The following PDE3B variants were observed in gnomAD, a reference collection of about 807,000 sequenced individuals.
PDE3B encodes cGMP-inhibited 3',5'-cyclic phosphodiesterase 3B.
A neutral mutation model predicts 116.8 loss-of-function variants in PDE3B; 66 were observed. That is an observed-to-expected ratio of 0.56 (90% CI 0.46 to 0.69). PDE3B has a LOEUF of 0.69. PDE3B is among the 30% of genes least tolerant of loss of function. The pLI is 0.00. For synonymous variants in PDE3B, 595 were observed against 533.6 expected, an observed-to-expected ratio of 1.12 and a Z score of -1.59; for missense variants, 1,384 against 1,368.1, an observed-to-expected ratio of 1.01 and a Z score of -0.18.
chr11:14,675,984 A>G (rs961102686), intron 1 of PDE3B, among the ~76,000 whole-genome samples: 1 of 152,146 alleles, frequency 6.6e-6, no homozygotes, highest in Non-Finnish European at 1.5e-5. Flanking sequence ...TGGTTGTACC[A>G]TTTACACTCC....
the PDE3B span, among the ~76,000 whole-genome samples, chr11:14,888,447 A>T: frequency 1.3e-5 from 2 of 152,250 alleles, no homozygotes. Flanking sequence ...GATGAAAACC[A>T]TTAAGTGACT....
At chr11:14,757,375 C>T (rs1316672691) in intron 1 of PDE3B, among the ~76,000 whole-genome samples, 1 of 149,958 alleles carries the variant, frequency 6.7e-6, no homozygotes, top group African/African-American at 2.5e-5. Flanking sequence ...GAGGAATCGC[C>T]ACACTGACTT....
chr11:14,726,434 G>T (rs1714130667), intron 1 of PDE3B, among the ~76,000 whole-genome samples: 1 of 152,082 alleles, frequency 6.6e-6, no homozygotes, highest in South Asian at 2.1e-4. Context: ...GAATATATAA[G>T]TCTGGAGCTC....
chr11:14,857,288 A>G (rs1189619939), intron 12 of PDE3B, among the ~76,000 whole-genome samples: 1 of 152,212 alleles, frequency 6.6e-6, no homozygotes, highest in Non-Finnish European at 1.5e-5. Flanking sequence ...TCTGCTTCTA[A>G]GAGCCCGCAG....
At chr11:14,716,213 A>G (rs1280892001) in intron 1 of PDE3B, among the ~76,000 whole-genome samples, 1 of 152,306 alleles carries the variant, frequency 6.6e-6, no homozygotes, top group South Asian at 2.1e-4. Context: ...TTTTCAGACC[A>G]GCTTAAAAAA....
At position 14,830,687 on chromosome 11, in the gene PDE3B, T is replaced by A; in HGVS notation, c.1808-11T>A. 3 of 1,366,542 alleles carry A rather than the reference T, an allele frequency of 2.2e-6. No homozygotes were observed. Among genetic ancestry groups the A allele is most frequent in the Non-Finnish European group, 3.0e-6 (3 of 1,016,058 alleles). The allele number at this position is 1,366,542 out of a possible 1,614,324, so 84.7% of individuals were successfully genotyped here. A position where few individuals can be genotyped will look rare whatever the true frequency, so the allele number is the denominator to read the frequency against. ...TTACTCCTATATATTACTATATATA[T>A]TTTTTGAAAGGTGAAGAAGAAAACA... On this transcript the variant is annotated splice_polypyrimidine_tract_variant and intron_variant, in intron 7 of 15. Coordinates refer to ENST00000282096, the MANE Select transcript of PDE3B (RefSeq NM_000922.4).
intron 14 of PDE3B, among the ~76,000 whole-genome samples, chr11:14,866,694 T>C (rs1848054209): frequency 6.6e-6 from 1 of 152,186 alleles, no homozygotes; most frequent in Non-Finnish European, 1.5e-5. Context: ...AATTTGTACA[T>C]TGTGGGGAGT....
chr11:14,841,516 A>G (rs886770640), intron 11 of PDE3B, among the ~76,000 whole-genome samples: 9 of 150,048 alleles, frequency 6.0e-5, no homozygotes, highest in East Asian at 4.0e-4. Flanking sequence ...CTCTTTCCCT[A>G]TGAACTCCAG....
At chr11:14,892,029 G>A in the PDE3B span, 669,378 of 1,612,994 alleles carry the variant, frequency 0.41, 142,827 homozygotes, top group Admixed American at 0.46. Context: ...GGGGAAGCTC[G>A]GATGAGGCTG....
At chr11:14,689,787 A>G (rs1453744452) in intron 1 of PDE3B, among the ~76,000 whole-genome samples, 1 of 152,192 alleles carries the variant, frequency 6.6e-6, no homozygotes, top group African/African-American at 2.4e-5. Context: ...TGTCACTTAC[A>G]TAAAATCCTT....
Position 14,786,671 on chromosome 11 carries a change from A to G in PDE3B, c.1264A>G (p.Arg422Gly). The change falls in exon 3 of 16, where the codon AGA becomes GGA. Residue 422 changes from arginine to glycine, a missense_variant. Arg to Gly is a moderately radical substitution (Grantham distance 125). This residue lies in a region of PDE3B where 956 missense variants were observed against 806.8 expected (regional missense o/e 1.18). Transcript: ENST00000282096. ...EIEDPAEKGDRKLNKGLNRNS... is the reference protein window; with the variant it reads ...EIEDPAEKGDGKLNKGLNRNS... ...AGAGGACCCAGCTGAGAAAGGGGAT[A>G]GAAAACTTAACAAGGTCGAAATACA... 8 of 1,611,152 alleles carry G rather than the reference A, an allele frequency of 5.0e-6. No individual in the cohort carries two copies. The highest frequency in any genetic ancestry group is 2.2e-5 in the East Asian group (1 of 44,828).
At chr11:14,730,548 C>G (rs1856429648) in intron 1 of PDE3B, among the ~76,000 whole-genome samples, 1 of 152,160 alleles carries the variant, frequency 6.6e-6, no homozygotes, top group African/African-American at 2.4e-5. Flanking sequence ...CTTGGTTGGA[C>G]ACATGATATT....
chr11:14,738,607 T>C (rs959162628), intron 1 of PDE3B, among the ~76,000 whole-genome samples: 2 of 152,244 alleles, frequency 1.3e-5, no homozygotes, highest in African/African-American at 4.8e-5. Context: ...TGAGTTTAAT[T>C]AGATCCCATT....
chr11:14,848,865 C>G (rs1415415296), intron 12 of PDE3B, among the ~76,000 whole-genome samples: 2 of 152,196 alleles, frequency 1.3e-5, no homozygotes, highest in Admixed American at 6.5e-5. Context: ...GAAGAACATT[C>G]CATGCTCATG....
At chr11:14,703,840 A>G (rs1272782173) in intron 1 of PDE3B, among the ~76,000 whole-genome samples, 2 of 151,468 alleles carry the variant, frequency 1.3e-5, no homozygotes, top group South Asian at 2.1e-4. Context: ...AACACCTTAA[A>G]TGTAGTTTTT....
chr11:14,789,179 A>C lies in PDE3B; in HGVS notation c.1352A>C (p.Glu451Ala). ...GGAACTTCAGGATTGCTACCTGTTG[A>C]ACAGTCTTCAAGGTGGGATCGTAAT... ...SSGTSGLLPV[E>A]QSSRWDRNNG... Residue 451 changes from glutamate to alanine, a missense_variant, in exon 4 of 16, where the codon GAA (glutamate) becomes GCA (alanine). Coordinates refer to ENST00000282096, the MANE Select transcript of PDE3B (RefSeq NM_000922.4). The C allele has an allele frequency of 6.2e-7, 1 of 1,611,398 alleles. No individual in the cohort carries two copies. Among genetic ancestry groups the C allele is most frequent in the South Asian group, 1.1e-5 (1 of 90,948 alleles).
intron 1 of PDE3B, among the ~76,000 whole-genome samples, chr11:14,754,692 C>T (rs1006003156): frequency 6.6e-6 from 1 of 152,064 alleles, no homozygotes; most frequent in African/African-American, 2.4e-5. Context: ...ATCGCTTGAG[C>T]CCAGGAGTTC....
At chr11:14,891,906 G>A in the PDE3B span, 1 of 1,540,582 alleles carries the variant, frequency 6.5e-7, no homozygotes, top group Admixed American at 1.9e-5. Context: ...GCGGCCATAA[G>A]TCCAACCAGG....
At chr11:14,850,143 G>A (rs1267740969) in intron 12 of PDE3B, among the ~76,000 whole-genome samples, 1 of 152,002 alleles carries the variant, frequency 6.6e-6, no homozygotes, top group Non-Finnish European at 1.5e-5. Context: ...ATACACCATG[G>A]AATACTATGC....
Sources: gnomAD v4.1 joint callset for allele counts (sites outside exome capture counted in the v4.1 genomes callset) on GRCh38, gnomAD v4.1.1 for gene constraint, gnomAD v4.1.1 regional missense constraint, MANE v1.5 for transcripts, NCBI Gene and HGNC (gene_info 2026-07-23, HGNC 2026-07-21) for gene names.